KCTD8: variants seen among roughly 807,000 people sequenced by gnomAD.
KCTD8 encodes BTB/POZ domain-containing protein KCTD8.
Under a neutral mutation model 31.5 loss-of-function variants are expected in KCTD8, and 27 were observed. The observed-to-expected ratio is 0.86, with a 90% CI of 0.63 to 1.18. KCTD8 has a LOEUF of 1.18. KCTD8 is among the 50% of genes most tolerant of loss of function. KCTD8 has a pLI of 0.00. For missense variants in KCTD8, 658 were observed against 647.7 expected (o/e 1.02, Z -0.17); for synonymous variants, 290 against 280.0 (o/e 1.04, Z -0.36).
At chr4:44,374,620 T>C (rs1171840967) in intron 1 of KCTD8, among the ~76,000 whole-genome samples, 1 of 152,176 alleles carries the variant, frequency 6.6e-6, no homozygotes, top group African/African-American at 2.4e-5. Context: ...TTTCTAGCTC[T>C]TGTTGAAAGT....
intron 1 of KCTD8, among the ~76,000 whole-genome samples, chr4:44,247,599 C>A (rs1414386666): frequency 1.3e-5 from 2 of 151,852 alleles, no homozygotes; most frequent in Non-Finnish European, 2.9e-5. Flanking sequence ...AAACAGTGTA[C>A]CCATTGAACA....
intron 1 of KCTD8, among the ~76,000 whole-genome samples, chr4:44,259,697 G>C (rs949856002): frequency 6.6e-6 from 1 of 151,838 alleles, no homozygotes; most frequent in Middle Eastern, 3.2e-3. Flanking sequence ...TTCTCTGTAC[G>C]TGATATTTTT....
At chr4:44,314,331 T>C (rs921530613) in intron 1 of KCTD8, among the ~76,000 whole-genome samples, 3 of 152,134 alleles carry the variant, frequency 2.0e-5, no homozygotes, top group African/African-American at 7.2e-5. Context: ...CTGGTGGTAG[T>C]TAGATATATT....
chr4:44,375,414 G>GAAC (rs1719893487), intron 1 of KCTD8, among the ~76,000 whole-genome samples: 1 of 152,070 alleles, frequency 6.6e-6, no homozygotes, highest in Non-Finnish European at 1.5e-5. Flanking sequence ...GGGGGTGGAG[G>GAAC]AACAGGAGTA....
intron 1 of KCTD8, among the ~76,000 whole-genome samples, chr4:44,423,638 T>C (rs891483885): frequency 2.0e-5 from 3 of 151,798 alleles, no homozygotes; most frequent in Non-Finnish European, 4.4e-5. Context: ...AAATGGAGGG[T>C]GGAAAGTTAA....
rs753155992 is a variant in KCTD8 at position 44,448,575 on chromosome 4, C to T, written c.-52G>A. ...CCGAGAGAGCTGCACTTTCTCGTTC[C>T]CGGAGCCCGCGCCCCAGCCCTCCGC... On this transcript the variant is annotated 5_prime_UTR_variant, in exon 1 of 2. Transcript: ENST00000360029. The surrounding 1 kb of genome is among the most constrained non-coding windows in gnomAD (Gnocchi z 4.1). 1 of 1,388,158 alleles carries T rather than the reference C, an allele frequency of 7.2e-7. No homozygotes were observed. The highest frequency in any genetic ancestry group is 9.3e-7 in the Non-Finnish European group (1 of 1,075,506). The allele number at this position is 1,388,158 out of a possible 1,614,324, so 86.0% of individuals were successfully genotyped here.
intron 1 of KCTD8, among the ~76,000 whole-genome samples, chr4:44,196,974 C>T (rs993110380): frequency 6.6e-6 from 1 of 152,198 alleles, no homozygotes; most frequent in African/African-American, 2.4e-5. Flanking sequence ...TCCACTCTTG[C>T]TTCCAGCACA....
chr4:44,349,212 T>C (rs34189411), intron 1 of KCTD8, among the ~76,000 whole-genome samples: 18,491 of 151,972 alleles, frequency 0.12, 1,237 homozygotes, highest in South Asian at 0.2. Flanking sequence ...TAGGAGTGCA[T>C]GTGGTTTGTT....
At chr4:44,307,156 G>C (rs1276094359) in intron 1 of KCTD8, among the ~76,000 whole-genome samples, 1 of 151,950 alleles carries the variant, frequency 6.6e-6, no homozygotes, top group Non-Finnish European at 1.5e-5. Context: ...AGTAAAGCTA[G>C]TCAAAATGCA....
At chr4:44,250,232 G>T (rs148297509) in intron 1 of KCTD8, among the ~76,000 whole-genome samples, 1 of 151,552 alleles carries the variant, frequency 6.6e-6, no homozygotes, top group South Asian at 2.1e-4. Flanking sequence ...TTTTCAAATC[G>T]AATGTTATGT....
At chr4:44,191,134 C>T (rs1713753368) in intron 1 of KCTD8, among the ~76,000 whole-genome samples, 1 of 152,150 alleles carries the variant, frequency 6.6e-6, no homozygotes, top group African/African-American at 2.4e-5. Flanking sequence ...TTTCTTATGC[C>T]TGTCTTTACT....
chr4:44,390,681 C>T (rs984698365), intron 1 of KCTD8, among the ~76,000 whole-genome samples: 13 of 151,530 alleles, frequency 8.6e-5, no homozygotes, highest in African/African-American at 3.1e-4. Flanking sequence ...AAGCATAACG[C>T]GATACCACCT....
At chr4:44,300,806 G>A (rs962462205) in intron 1 of KCTD8, among the ~76,000 whole-genome samples, 4 of 151,798 alleles carry the variant, frequency 2.6e-5, no homozygotes, top group African/African-American at 9.7e-5. Flanking sequence ...ATGCTGGTGT[G>A]CTGCACCCAT....
chr4:44,304,104 C>A (rs777374407), intron 1 of KCTD8, among the ~76,000 whole-genome samples: 3 of 152,084 alleles, frequency 2.0e-5, no homozygotes, highest in Non-Finnish European at 2.9e-5. Context: ...CTTGAGACAC[C>A]AGAATTTTGA....
At chr4:44,245,165 A>G (rs929206735) in intron 1 of KCTD8, among the ~76,000 whole-genome samples, 1 of 152,140 alleles carries the variant, frequency 6.6e-6, no homozygotes, top group African/African-American at 2.4e-5. Flanking sequence ...ATCCAGAAAG[A>G]AGCATTACAG....
intron 1 of KCTD8, among the ~76,000 whole-genome samples, chr4:44,219,664 T>C (rs2109347372): frequency 6.6e-6 from 1 of 152,342 alleles, no homozygotes; most frequent in South Asian, 2.1e-4. Context: ...ACTTCTATTT[T>C]CCAGAACTAT....
At chr4:44,185,232 T>G (rs1195880994) in intron 1 of KCTD8, among the ~76,000 whole-genome samples, 1 of 152,116 alleles carries the variant, frequency 6.6e-6, no homozygotes, top group Non-Finnish European at 1.5e-5. Context: ...ACACTTGTCA[T>G]GTCTTATCAA....
intron 1 of KCTD8, among the ~76,000 whole-genome samples, chr4:44,372,204 GA>G (rs1719805573): frequency 6.6e-6 from 1 of 152,080 alleles, no homozygotes; most frequent in Non-Finnish European, 1.5e-5. Flanking sequence ...TGACATTCCA[GA>G]AAAAAACAAA....
intron 1 of KCTD8, among the ~76,000 whole-genome samples, chr4:44,376,782 A>G (rs1719925392): frequency 6.6e-6 from 1 of 152,190 alleles, no homozygotes; most frequent in South Asian, 2.1e-4. Context: ...AGGAAGTCAA[A>G]GATCACTTTT....
Sources: gnomAD v4.1 joint callset for allele counts (sites outside exome capture counted in the v4.1 genomes callset) on GRCh38, gnomAD v4.1.1 for gene constraint, Gnocchi (gnomAD v3.1) non-coding constraint, MANE v1.5 for transcripts, NCBI Gene and HGNC (gene_info 2026-07-23, HGNC 2026-07-21) for gene names.